KLHL12: variants seen among roughly 807,000 people sequenced by gnomAD.
KLHL12 encodes the protein kelch like family member 12.
Under a neutral mutation model 60.8 loss-of-function variants are expected in KLHL12, and 17 were observed. That is an observed-to-expected ratio of 0.28 (90% CI 0.19 to 0.42). KLHL12 has a LOEUF of 0.42. Among genes scored for constraint, KLHL12 ranks in the 10% least tolerant of loss-of-function variants. The probability of loss-of-function intolerance (pLI) is 1.00; values close to 1 mark genes in which losing one functional copy is unlikely to be tolerated. For missense variants in KLHL12, 468 were observed against 722.3 expected (o/e 0.65, Z 4.04); for synonymous variants, 220 against 250.9 (o/e 0.88, Z 1.16).
intron 4 of KLHL12, chr1:202,912,171 TC>T: frequency 1.1e-6 from 1 of 893,576 alleles, no homozygotes; most frequent in African/African-American, 1.6e-5. Flanking sequence ...CTGAAGAACA[TC>T]ACCTAAGAGA....
intron 4 of KLHL12, among the ~76,000 whole-genome samples, chr1:202,914,120 G>C (rs1311767772): frequency 6.6e-6 from 1 of 152,222 alleles, no homozygotes; most frequent in African/African-American, 2.4e-5. Context: ...CAGGTACAGA[G>C]AGCATTAGAA....
At chr1:202,911,243 C>T (rs1263740330) in intron 4 of KLHL12, 40 bp from the exon 5 acceptor site, 1 of 1,605,238 alleles carries the variant, frequency 6.2e-7, no homozygotes, top group Non-Finnish European at 8.5e-7. Context: ...CCTACTTTTC[C>T]AATTAGCTCA....
In KLHL12 at chr1:202,919,886, T is replaced by C. The variant is rs1380905921; in HGVS notation, c.218A>G (p.Tyr73Cys). The change falls in exon 3 of 12, where the codon TAT becomes TGT. Residue 73 changes from tyrosine (Y) to cysteine (C), a missense_variant. Tyr to Cys is a radical substitution (Grantham distance 194). Transcript: ENST00000367261. Reference protein sequence around the residue: ...TSELSEKGKPYVDIQGLTAST... With the variant: ...TSELSEKGKPCVDIQGLTAST... ...GGCAGTCAAACCTTGGATGTCAACA[T>C]AAGGTTTCCCCTTCTCTGAGAGCTG... is the stretch of plus-strand genomic sequence containing the variant. 8 of 1,613,626 alleles carry C rather than the reference T, an allele frequency of 5.0e-6. No individual in the cohort carries two copies. The highest frequency in any genetic ancestry group is 1.7e-4 in the Middle Eastern group (1 of 6,058).
rs1488189768 is a variant in KLHL12, at chr1:202,909,460, A to G, written c.718-336T>C. Among the ~76,000 whole-genome samples the G allele has an allele frequency of 1.3e-5, 2 of 152,096 alleles. No individual in the cohort carries two copies. The highest frequency in any genetic ancestry group is 4.8e-5 in the African/African-American group (2 of 41,394). On this transcript the variant is annotated intron_variant, in intron 5 of 11. Coordinates refer to ENST00000367261, the MANE Select transcript of KLHL12 (RefSeq NM_021633.4). This position sits in a 1 kb window ranked among gnomAD's most constrained non-coding sequence, Gnocchi z 4.1. ...AGGGATTATGCAAACACAAGTACAT[A>G]ATAACTAATAAGAATTTTAAGGGGA...
chr1:202,892,607 C>T lies in KLHL12; in HGVS notation c.1633G>A (p.Asp545Asn), dbSNP rs1659711421. The T allele has an allele frequency of 3.1e-6, 5 of 1,613,936 alleles. No individual in the cohort carries two copies. Among genetic ancestry groups the T allele is most frequent in the African/African-American group, 1.3e-5 (1 of 74,908 alleles). ...ATGGATGTCACGACTTCCCAGCTGT[C>T]GATGATAGGGTCATAACATTCAATG... ...SSIECYDPII[D>N]SWEVVTSMGT... Residue 545 changes from aspartate (D) to asparagine (N), a missense_variant, in exon 12 of 12, where the codon GAC becomes AAC. Transcript: ENST00000367261.
In KLHL12 at chr1:202,927,156, G is replaced by A. The variant is rs1264845363; in HGVS notation, c.-113C>T. On this transcript the variant is annotated 5_prime_UTR_variant, in exon 1 of 12. Coordinates refer to ENST00000367261, the MANE Select transcript of KLHL12 (RefSeq NM_021633.4). ...GCCTGTGGGGATGGAGTGCGGCGCG[G>A]GGCTAGCAGGCGGCTCGGGAGGAGC... 1 of 985,244 alleles carries A rather than the reference G, an allele frequency of 1.0e-6. No individual in the cohort carries two copies. The highest frequency in any genetic ancestry group is 1.2e-6 in the Non-Finnish European group (1 of 829,948). 61.0% of individuals were successfully genotyped at this position (985,244 alleles called of 1,614,324 possible).
chr1:202,899,771 C>T (rs1053400909), intron 6 of KLHL12, among the ~76,000 whole-genome samples: 14 of 150,922 alleles, frequency 9.3e-5, no homozygotes, highest in South Asian at 2.1e-4. Context: ...TGCAGTGAGC[C>T]GAGATTGCAC....
At chr1:202,926,037 G>T (rs1319592010) in intron 1 of KLHL12, among the ~76,000 whole-genome samples, 1 of 149,850 alleles carries the variant, frequency 6.7e-6, no homozygotes, top group Middle Eastern at 3.2e-3. Context: ...CCCAGGAGGT[G>T]GAGGTTGCAG....
At chr1:202,928,572 C>T (rs1047441720), upstream of KLHL12, 9 of 1,289,582 alleles carry the variant, frequency 7.0e-6, no homozygotes, top group Non-Finnish European at 9.2e-6. Flanking sequence ...CCTTTTCGGG[C>T]CGAACAACGC....
chr1:202,897,746 T>C (rs1659886115), intron 6 of KLHL12, among the ~76,000 whole-genome samples: 1 of 151,854 alleles, frequency 6.6e-6, no homozygotes, highest in African/African-American at 2.4e-5. Context: ...TTTTTCTTTT[T>C]CTGAATTGAG....
chr1:202,917,878 C>T (rs546978431), intron 4 of KLHL12, among the ~76,000 whole-genome samples: 21 of 152,212 alleles, frequency 1.4e-4, no homozygotes, highest in Admixed American at 1.1e-3. Context: ...AATGAGTGAA[C>T]GGGTAATAGA....
At position 202,893,166 on chromosome 1, in the gene KLHL12, A is replaced by G. The variant is rs187758880; in HGVS notation, c.1580+73T>C. The stretch of plus-strand genomic sequence containing the variant: ...CCTACCCAAGTCTTGTCTCTGTCCA[A>G]AAATGAGGATCAGATCACATAGACT... On this transcript the variant is annotated intron_variant, in intron 11 of 11. Transcript: ENST00000367261. The surrounding 1 kb of genome is among the most constrained non-coding windows in gnomAD (Gnocchi z 4.1). 6.8e-4 allele frequency: 870 copies of G among 1,270,270 alleles called. 1 individual carries two copies. The highest frequency in any genetic ancestry group is 9.0e-4 in the Non-Finnish European group (833 of 925,066). The allele number at this position is 1,270,270 out of a possible 1,614,324, so 78.7% of individuals were successfully genotyped here.
intron 4 of KLHL12, among the ~76,000 whole-genome samples, chr1:202,913,545 G>T (rs1245158665): frequency 1.3e-5 from 2 of 152,176 alleles, no homozygotes; most frequent in African/African-American, 4.8e-5. Flanking sequence ...AATCAGATAT[G>T]ATCCTTGCTC....
In KLHL12 at chr1:202,892,660, C is replaced by T; in HGVS notation, c.1581-1G>A. ...ACTTAGCAGGGAATTACCATCATAT[C>T]TGAGTGGGAAAGAAGCAAAAGAAAG... On this transcript the variant is annotated splice_acceptor_variant, in intron 11 of 11. Transcript: ENST00000367261. LOFTEE classifies it high-confidence loss of function. The T allele has an allele frequency of 3.1e-6, 5 of 1,613,500 alleles. No individual in the cohort carries two copies. Among genetic ancestry groups the T allele is most frequent in the Non-Finnish European group, 4.2e-6 (5 of 1,179,570 alleles).
intron 2 of KLHL12, among the ~76,000 whole-genome samples, chr1:202,920,626 T>A (rs889441949): frequency 1.3e-5 from 2 of 152,080 alleles, no homozygotes; most frequent in Non-Finnish European, 2.9e-5. Context: ...TCCGCCTGCC[T>A]CAGCCTCCCA....
intron 2 of KLHL12, among the ~76,000 whole-genome samples, chr1:202,921,128 A>C (rs968595223): frequency 7.9e-5 from 12 of 151,080 alleles, no homozygotes; most frequent in African/African-American, 2.9e-4. Context: ...CTCGTGCCTC[A>C]GCCTCCCAAG....
intron 2 of KLHL12, among the ~76,000 whole-genome samples, chr1:202,923,266 G>A (rs1660753400): frequency 6.6e-6 from 1 of 152,292 alleles, no homozygotes; most frequent in East Asian, 1.9e-4. Context: ...CATATAATTA[G>A]CAATCAGCCG....
At chr1:202,910,733 T>C (rs1557994011) in intron 5 of KLHL12, among the ~76,000 whole-genome samples, 3 of 152,146 alleles carry the variant, frequency 2.0e-5, no homozygotes, top group Non-Finnish European at 4.4e-5. Flanking sequence ...TAAGGGCAAT[T>C]TGGAACAATT....
chr1:202,910,302 A>T (rs575749382), intron 5 of KLHL12, among the ~76,000 whole-genome samples: 1 of 152,340 alleles, frequency 6.6e-6, no homozygotes, highest in Admixed American at 6.5e-5. Context: ...GCTCCTAAAC[A>T]CAATGTAAAG....
Sources: gnomAD v4.1 joint callset for allele counts (sites outside exome capture counted in the v4.1 genomes callset) on GRCh38, gnomAD v4.1.1 for gene constraint, Gnocchi (gnomAD v3.1) non-coding constraint, MANE v1.5 for transcripts, NCBI Gene and HGNC (gene_info 2026-07-23, HGNC 2026-07-21) for gene names.